SPATA31C2: variants seen among roughly 807,000 people sequenced by gnomAD.
SPATA31C2 encodes SPATA31 subfamily C member 2.
In SPATA31C2, 5 loss-of-function variants were observed where a neutral mutation model predicts 11.4. The ratio of observed to expected loss-of-function variants is 0.44; its 90% CI spans 0.23 to 0.92. The LOEUF (loss-of-function observed/expected upper bound fraction) is 0.92, where lower values mean the gene tolerates loss of function less well. Among genes scored for constraint, SPATA31C2 ranks in the 40% least tolerant of loss-of-function variants. The pLI is 0.24. For synonymous variants in SPATA31C2, 515 were observed against 538.7 expected, an observed-to-expected ratio of 0.96 and a Z score of 0.61; for missense variants, 1,353 against 1,368.6, an observed-to-expected ratio of 0.99 and a Z score of 0.18.
In SPATA31C2 at chr9:88,129,696, C is replaced by T. The variant is rs745844178; in HGVS notation, c.3341G>A (p.Ser1114Asn). 9.4e-6 allele frequency: 15 copies of T among 1,603,530 alleles called. No individual in the cohort carries two copies. Among genetic ancestry groups the T allele is most frequent in the Non-Finnish European group, 1.3e-5 (15 of 1,173,390 alleles). The stretch of plus-strand genomic sequence containing the variant: ...CTGGTTCTTGAGAGTGGCTTGTTGA[C>T]TGCTGGCTGCATAGCTCAGCATTCT... Reference protein sequence around the residue: ...HSRMLSYAASSQQATLKNQSR... With the variant: ...HSRMLSYAASNQQATLKNQSR... Residue 1114 changes from serine to asparagine, a missense_variant, in exon 4 of 4, where the codon AGT (serine) becomes AAT (asparagine). Transcript: ENST00000324915.
chr9:88,133,804 C>G (rs1353790027), intron 1 of SPATA31C2, 135 bp from the exon 2 acceptor site: 2 of 1,330,266 alleles, frequency 1.5e-6, no homozygotes, highest in Non-Finnish European at 2.1e-6. Flanking sequence ...TTCCTCCCCT[C>G]CCACTCATGT....
In SPATA31C2 at chr9:88,130,845, A is replaced by T. The variant is rs748335506; in HGVS notation, c.2192T>A (p.Leu731His). The T allele has an allele frequency of 1.2e-6, 2 of 1,613,496 alleles. No homozygotes were observed. Among genetic ancestry groups the T allele is most frequent in the African/African-American group, 1.3e-5 (1 of 75,028 alleles). ...TKPSVHMPER[L>H]QASSPACKQF... ...CTTACATGCAGGTGAGGAGGCCTGA[A>T]GCCTCTCTGGCATGTGAACAGATGG... Residue 731 changes from leucine to histidine, a missense_variant, in exon 4 of 4, where the codon CTT becomes CAT. Physicochemically the swap from Leu to His is moderately conservative, Grantham distance 99. Coordinates refer to ENST00000324915, the MANE Select transcript of SPATA31C2 (RefSeq NM_001350978.3).
rs922872839 is a variant in SPATA31C2 at position 88,130,086 on chromosome 9, T to C, written c.2951A>G (p.Lys984Arg). 2 of 1,606,800 alleles carry C rather than the reference T, an allele frequency of 1.2e-6. No homozygotes were observed. Among genetic ancestry groups the C allele is most frequent in the Non-Finnish European group, 1.7e-6 (2 of 1,177,292 alleles). The change falls in exon 4 of 4, where the codon AAA (lysine) becomes AGA (arginine). Residue 984 changes from lysine (K) to arginine (R), a missense_variant. This residue lies in a region of SPATA31C2 where 187 missense variants were observed against 205.8 expected (regional missense o/e 0.91). Coordinates refer to ENST00000324915, the MANE Select transcript of SPATA31C2 (RefSeq NM_001350978.3). Reference protein sequence around the residue: ...LRTPQLTPGRKTEDTRQNEGV... With the variant: ...LRTPQLTPGRRTEDTRQNEGV... Reference sequence around the variant, plus strand: ...TTCATTCTGACGGGTGTCTTCTGTTTTCCTGCCTGGGGTAAGTTGAGGAGT... The same window carrying C: ...TTCATTCTGACGGGTGTCTTCTGTTCTCCTGCCTGGGGTAAGTTGAGGAGT...
chr9:88,130,444 T>C lies in SPATA31C2; in HGVS notation c.2593A>G (p.Thr865Ala). Residue 865 changes from threonine to alanine, a missense_variant, in exon 4 of 4, where the codon ACG (threonine) becomes GCG (alanine). Thr to Ala is a moderately conservative substitution (Grantham distance 58). Coordinates refer to ENST00000324915, the MANE Select transcript of SPATA31C2 (RefSeq NM_001350978.3). ...AVSEFEPGKA[T>A]KSETQPQVSA... ...ACTTGAGGCTGGGTCTCTGACTTCG[T>C]GGCCTTTCCAGGCTCAAATTCACTA... 6.2e-7 allele frequency: 1 copy of C among 1,613,316 alleles called. No individual in the cohort carries two copies. Among genetic ancestry groups the C allele is most frequent in the Non-Finnish European group, 8.5e-7 (1 of 1,179,514 alleles).
Position 88,132,652 on chromosome 9 carries a change from G to A in SPATA31C2, c.385C>T (p.Pro129Ser), listed in dbSNP as rs770316133. 4 of 1,609,026 alleles carry A rather than the reference G, an allele frequency of 2.5e-6. No homozygotes were observed. The highest frequency in any genetic ancestry group is 8.5e-7 in the Non-Finnish European group (1 of 1,177,338). ...DFGQLSGPDPPGEVGKRTPDG... is the reference protein window; with the variant it reads ...DFGQLSGPDPSGEVGKRTPDG... ...GGTGTTCTTTTGCCCACCTCACCTGGCGGGTCTGGACCAGAGAGCTGACCA... is the reference window on the plus strand; with the variant it reads ...GGTGTTCTTTTGCCCACCTCACCTGACGGGTCTGGACCAGAGAGCTGACCA... The change falls in exon 4 of 4, where the codon CCA becomes TCA. Residue 129 changes from proline to serine, a missense_variant. Physicochemically the swap from Pro to Ser is moderately conservative, Grantham distance 74. This residue lies in a region of SPATA31C2 where 1,075 missense variants were observed against 992.8 expected (regional missense o/e 1.08). Coordinates refer to ENST00000324915, the MANE Select transcript of SPATA31C2 (RefSeq NM_001350978.3).
Position 88,131,252 on chromosome 9 carries a change from A to G in SPATA31C2, c.1785T>C (p.Ser595=), listed in dbSNP as rs375523306. ...GQTNEGLIPV[S]VRRSWLAVNQ... The stretch of plus-strand genomic sequence containing the variant: ...TGACAGCAAGCCAGGATCGACGCAC[A>G]CTCACGGGGATCAAGCCCTCGTTGG... The change falls in exon 4 of 4, where the codon AGT becomes AGC. Residue 595 remains serine, a synonymous_variant. Coordinates refer to ENST00000324915, the MANE Select transcript of SPATA31C2 (RefSeq NM_001350978.3). 1.9e-6 allele frequency: 3 copies of G among 1,611,738 alleles called. No homozygotes were observed. Among genetic ancestry groups the G allele is most frequent in the East Asian group, 4.5e-5 (2 of 44,736 alleles).
intron 1 of SPATA31C2, among the ~76,000 whole-genome samples, chr9:88,137,483 G>A (rs561186664): frequency 1.4e-5 from 2 of 144,714 alleles, no homozygotes; most frequent in African/African-American, 5.0e-5. Flanking sequence ...TTAGCCAGGC[G>A]TGGTGGCGGG....
chr9:88,134,148 A>T (rs1825647576), intron 1 of SPATA31C2, among the ~76,000 whole-genome samples: 2 of 148,058 alleles, frequency 1.4e-5, no homozygotes, highest in South Asian at 2.3e-4. Flanking sequence ...AACAAAATAA[A>T]TAAAAATAAC....
At position 88,130,567 on chromosome 9, in the gene SPATA31C2, G is replaced by A. The variant is rs750275690; in HGVS notation, c.2470C>T (p.Arg824Cys). The change falls in exon 4 of 4, where the codon CGT becomes TGT. Residue 824 changes from arginine (R) to cysteine (C), a missense_variant. Physicochemically the swap from Arg to Cys is radical, Grantham distance 180. Around this residue, in one of 6 missense-constraint regions of SPATA31C2, gnomAD observed 1,075 missense variants for 992.8 expected, o/e 1.08. Coordinates refer to ENST00000324915, the MANE Select transcript of SPATA31C2 (RefSeq NM_001350978.3). ...CTGGCGCCTGGAGCCTTGAAACCAC[G>A]CACATCCTCACTTGTGGCTTGGAGG... The part of the protein sequence containing the change: ...ANLQATSEDV[R>C]GFKAPGASKS... 5 of 1,613,366 alleles carry A rather than the reference G, an allele frequency of 3.1e-6. No homozygotes were observed. The highest frequency in any genetic ancestry group is 2.2e-5 in the East Asian group (1 of 44,794).
intron 1 of SPATA31C2, among the ~76,000 whole-genome samples, chr9:88,133,885 G>A (rs928277586): frequency 9.9e-5 from 15 of 152,134 alleles, no homozygotes; most frequent in African/African-American, 1.4e-4. Context: ...CTCACGGTGC[G>A]GTGGCTCACG....
chr9:88,132,171 G>C lies in SPATA31C2; in HGVS notation c.866C>G (p.Ser289Trp). ...SNSQVSALSWSQETTKTWCVF... is the reference protein window; with the variant it reads ...SNSQVSALSWWQETTKTWCVF... ...GCACCAGGTTTTGGTAGTCTCCTGC[G>C]ACCAGGAGAGGGCAGAAACTTGACT... Residue 289 changes from serine to tryptophan, a missense_variant, in exon 4 of 4, where the codon TCG becomes TGG. By Grantham distance (177) the Ser-to-Trp change is radical. Transcript: ENST00000324915. 6.2e-7 allele frequency: 1 copy of C among 1,610,632 alleles called. No homozygotes were observed. The highest frequency in any genetic ancestry group is 8.5e-7 in the Non-Finnish European group (1 of 1,177,602).
rs1358791077 is a variant in SPATA31C2 at position 88,129,708 on chromosome 9, T to C, written c.3329A>G (p.Tyr1110Cys). The part of the protein sequence containing the change: ...FYSEHSRMLS[Y>C]AASSQQATLK... Reference sequence around the variant, plus strand: ...AGTGGCTTGTTGACTGCTGGCTGCATAGCTCAGCATTCTGCTGTGTTCTGA... The same window carrying C: ...AGTGGCTTGTTGACTGCTGGCTGCACAGCTCAGCATTCTGCTGTGTTCTGA... Residue 1110 changes from tyrosine to cysteine, a missense_variant, in exon 4 of 4, where the codon TAT becomes TGT. Around this residue, in one of 6 missense-constraint regions of SPATA31C2, gnomAD observed 187 missense variants for 205.8 expected, o/e 0.91. Transcript: ENST00000324915. 7 of 1,603,400 alleles carry C rather than the reference T, an allele frequency of 4.4e-6. No individual in the cohort carries two copies. Among genetic ancestry groups the C allele is most frequent in the Admixed American group, 3.4e-5 (2 of 59,360 alleles).
chr9:88,137,389 C>G (rs1825695532), intron 1 of SPATA31C2, among the ~76,000 whole-genome samples: 2 of 146,414 alleles, frequency 1.4e-5, no homozygotes, highest in Admixed American at 1.5e-4. Flanking sequence ...CTTTGGGAGG[C>G]TGAGGCAGGT....
At position 88,131,126 on chromosome 9, in the gene SPATA31C2, G is replaced by C. The variant is rs1412321716; in HGVS notation, c.1911C>G (p.Phe637Leu). The change falls in exon 4 of 4, where the codon TTC becomes TTG. Residue 637 changes from phenylalanine (F) to leucine (L), a missense_variant. Around this residue, in one of 6 missense-constraint regions of SPATA31C2, gnomAD observed 1,075 missense variants for 992.8 expected, o/e 1.08. Transcript: ENST00000324915. ...GCACCTGCTGAGTACACGGCTCAAGGAAGGAAAGCACCTGGGCTGTGTTCA... is the reference window on the plus strand; with the variant it reads ...GCACCTGCTGAGTACACGGCTCAAGCAAGGAAAGCACCTGGGCTGTGTTCA... ...ACVNTAQVLSFLEPCTQQVLG... is the reference protein window; with the variant it reads ...ACVNTAQVLSLLEPCTQQVLG... 2.5e-6 allele frequency: 4 copies of C among 1,612,044 alleles called. No homozygotes were observed. The South Asian group carries it at 3.3e-5, about 13-fold the overall frequency.
rs751012195 is a variant in SPATA31C2 at position 88,132,689 on chromosome 9, T to C, written c.348A>G (p.Glu116=). The C allele has an allele frequency of 1.2e-6, 2 of 1,606,024 alleles. No individual in the cohort carries two copies. Among genetic ancestry groups the C allele is most frequent in the South Asian group, 2.2e-5 (2 of 90,662 alleles). ...QLQSLLGPHL[E]KGDFGQLSGP... is the part of the protein sequence containing the mutation. ...CAGAGAGCTGACCAAAGTCACCTTT[T>C]TCAAGGTGTGGCCCCAGGAGGCTGC... The change falls in exon 4 of 4, where the codon GAA becomes GAG. Residue 116 remains glutamate, a synonymous_variant. Transcript: ENST00000324915.
Position 88,129,932 on chromosome 9 carries a change from G to T in SPATA31C2, c.3105C>A (p.Ser1035Arg), listed in dbSNP as rs11507224. ...ATGATCTGTTTTTTACTGTTTTTTGGCTCTCAGCAGTGACTGGTGCTGGCT... is the reference window on the plus strand; with the variant it reads ...ATGATCTGTTTTTTACTGTTTTTTGTCTCTCAGCAGTGACTGGTGCTGGCT... Reference protein sequence around the residue: ...ERKPAPVTAESQKTVKNRSCV... With the variant: ...ERKPAPVTAERQKTVKNRSCV... The change falls in exon 4 of 4, where the codon AGC becomes AGA. Residue 1035 changes from serine to arginine, a missense_variant. Transcript: ENST00000324915. 0.011 allele frequency: 17,840 copies of T among 1,606,722 alleles called. 430 individuals carry two copies. In the African/African-American group the frequency reaches 0.2, roughly 18 times the overall value.
intron 1 of SPATA31C2, among the ~76,000 whole-genome samples, chr9:88,134,014 C>T (rs1171831238): frequency 1.3e-5 from 2 of 151,338 alleles, no homozygotes; most frequent in South Asian, 2.1e-4. Context: ...ATTAGCCAGG[C>T]GTGGTGGCGG....
Position 88,129,933 on chromosome 9 carries a change from C to A in SPATA31C2, c.3104G>T (p.Ser1035Ile). 6.2e-7 allele frequency: 1 copy of A among 1,607,582 alleles called. No individual in the cohort carries two copies. The highest frequency in any genetic ancestry group is 2.2e-5 in the East Asian group (1 of 44,690). ...TGATCTGTTTTTTACTGTTTTTTGGCTCTCAGCAGTGACTGGTGCTGGCTT... is the reference window on the plus strand; with the variant it reads ...TGATCTGTTTTTTACTGTTTTTTGGATCTCAGCAGTGACTGGTGCTGGCTT... ...ERKPAPVTAE[S>I]QKTVKNRSCV... The change falls in exon 4 of 4, where the codon AGC (serine) becomes ATC (isoleucine). Residue 1035 changes from serine (S) to isoleucine (I), a missense_variant. Ser to Ile is a moderately radical substitution (Grantham distance 142). This residue lies in a region of SPATA31C2 where 187 missense variants were observed against 205.8 expected (regional missense o/e 0.91). Transcript: ENST00000324915.
chr9:88,134,493 T>C (rs1825653383), intron 1 of SPATA31C2, among the ~76,000 whole-genome samples: 1 of 148,400 alleles, frequency 6.7e-6, no homozygotes, highest in African/African-American at 2.4e-5. Context: ...CCCCGTCTCA[T>C]GACCGGTCCT....
Sources: allele counts gnomAD v4.1 joint callset (sites outside exome capture counted in the v4.1 genomes callset), GRCh38; gene constraint gnomAD v4.1.1; regional missense constraint gnomAD v4.1.1; transcripts MANE v1.5; gene names NCBI Gene and HGNC (gene_info 2026-07-23, HGNC 2026-07-21).